The following CAPS2 variants were observed in gnomAD, a reference collection of about 807,000 sequenced individuals.
CAPS2 encodes the protein calcyphosin-2.
CAPS2 carries 98 observed loss-of-function variants against 86.5 expected under a neutral mutation model. That is an observed-to-expected ratio of 1.13 (90% CI 0.96 to 1.34). The LOEUF (loss-of-function observed/expected upper bound fraction) is 1.34, where lower values mean the gene tolerates loss of function less well. Ranked by LOEUF, CAPS2 falls within the 40% of genes most tolerant of loss-of-function variation. CAPS2 has a pLI of 0.00. For synonymous variants in CAPS2, 210 were observed against 225.1 expected (o/e 0.93, Z 0.60); for missense variants, 729 against 686.8 (o/e 1.06, Z -0.69).
chr12:75,367,485 G>A (rs1197527533), intron 1 of CAPS2, among the ~76,000 whole-genome samples: 1 of 151,842 alleles, frequency 6.6e-6, no homozygotes, highest in Non-Finnish European at 1.5e-5. Context: ...CAGGGTCAGA[G>A]TCATCAATAT....
rs114900986 is a variant in CAPS2, at chr12:75,316,345, G to T, written c.558C>A (p.Cys186Ter). The change falls in exon 6 of 17, where the codon TGC (cysteine) becomes TGA (stop). Residue 186 changes from cysteine (C) to a stop codon, truncating the protein, a stop_gained. Coordinates refer to ENST00000393284, the Ensembl canonical transcript of CAPS2. LOFTEE classifies it high-confidence loss of function. ...ATTTTCTTGCCCTCTGTTGTTTATC[G>T]CAAGAGTTGTCTGCATAACCTTGCT... The T allele has an allele frequency of 4.9e-5, 76 of 1,550,834 alleles. No homozygotes were observed. The African/African-American group carries it at 9.9e-4, about 20-fold the overall frequency.
At chr12:75,309,122 CA>C (rs1278754589) in intron 7 of CAPS2, among the ~76,000 whole-genome samples, 2 of 152,048 alleles carry the variant, frequency 1.3e-5, no homozygotes, top group African/African-American at 2.4e-5. Context: ...CACAAGCACA[CA>C]AGGGCCAAAT....
intron 1 of CAPS2, among the ~76,000 whole-genome samples, chr12:75,356,757 A>G (rs948798307): frequency 6.6e-5 from 10 of 152,186 alleles, no homozygotes; most frequent in African/African-American, 2.4e-4. Flanking sequence ...AAATTGCACA[A>G]TTGGCTAAGA....
chr12:75,279,771 G>T (rs1268812766), intron 16 of CAPS2, among the ~76,000 whole-genome samples: 1 of 151,960 alleles, frequency 6.6e-6, no homozygotes, highest in East Asian at 1.9e-4. Flanking sequence ...CGTAGAGATG[G>T]TAATATAAAA....
chr12:75,311,700 GAAAAAAAAAAACAAAAAAAAAAACA>G (rs1307672194), intron 7 of CAPS2, among the ~76,000 whole-genome samples: 6 of 6,716 alleles, frequency 8.9e-4, no homozygotes, highest in South Asian at 4.6e-3. Flanking sequence ...AGCCATGCAG[GAAAAAAAAAAACAAAAAAAAAAACA>G]AAAAAAAAAA....
At chr12:75,378,244 C>T (rs997793086) in intron 1 of CAPS2, among the ~76,000 whole-genome samples, 3 of 152,176 alleles carry the variant, frequency 2.0e-5, no homozygotes, top group African/African-American at 7.2e-5. Context: ...AAGCAATCCA[C>T]CTGCCTCAGC....
intron 15 of CAPS2, 79 bp from the exon 16 acceptor site, chr12:75,282,426 A>G (rs1446475405): frequency 2.2e-6 from 2 of 905,392 alleles, no homozygotes; most frequent in African/African-American, 3.3e-5. Flanking sequence ...TCGCTCTGTC[A>G]CCCAGACTGG....
chr12:75,344,059 T>C, intron 1 of CAPS2: 1 of 757,458 alleles, frequency 1.3e-6, no homozygotes. Flanking sequence ...TTTTCCTTTA[T>C]CATAGGTCTT....
chr12:75,388,083 C>T (rs891702168), intron 1 of CAPS2, among the ~76,000 whole-genome samples: 1 of 152,290 alleles, frequency 6.6e-6, no homozygotes, highest in Non-Finnish European at 1.5e-5. Context: ...ATGGGAGAGA[C>T]TAGGTGAGAG....
At chr12:75,313,070 A>G (rs1473343422) in intron 6 of CAPS2, among the ~76,000 whole-genome samples, 155 bp from the exon 7 acceptor site, 1 of 152,242 alleles carries the variant, frequency 6.6e-6, no homozygotes, top group African/African-American at 2.4e-5. Context: ...ATTACTTTCC[A>G]TCATTACTAA....
intron 1 of CAPS2, chr12:75,363,184 C>G: frequency 6.8e-7 from 1 of 1,460,052 alleles, no homozygotes; most frequent in Non-Finnish European, 9.1e-7. Context: ...TGTAAAGAAC[C>G]TCTGCAGTAA....
chr12:75,290,145 C>T (rs1304861398), intron 13 of CAPS2, among the ~76,000 whole-genome samples: 2 of 152,048 alleles, frequency 1.3e-5, no homozygotes, highest in Non-Finnish European at 2.9e-5. Flanking sequence ...ATCTGTTTTC[C>T]TTTTCTTAGT....
At chr12:75,376,276 G>A (rs772998544) in intron 1 of CAPS2, among the ~76,000 whole-genome samples, 12 of 152,180 alleles carry the variant, frequency 7.9e-5, no homozygotes, top group Non-Finnish European at 1.3e-4. Flanking sequence ...AATTCAGCCC[G>A]ATCCAACTTT....
chr12:75,347,608 C>G, intron 1 of CAPS2: 1 of 1,551,760 alleles, frequency 6.4e-7, no homozygotes, highest in Non-Finnish European at 8.9e-7. Flanking sequence ...TCTTGACATT[C>G]CTTTTCTTTA....
At chr12:75,370,439 T>C (rs1005502859) in intron 1 of CAPS2, 1 of 262,358 alleles carries the variant, frequency 3.8e-6, no homozygotes. Flanking sequence ...CTAATGAGAA[T>C]GGATTATCAT....
chr12:75,390,354 C>G, intron 1 of CAPS2: 1 of 456,288 alleles, frequency 2.2e-6, no homozygotes, highest in Non-Finnish European at 4.4e-6. Flanking sequence ...AAAGATGAAT[C>G]TTGATATTCC....
At chr12:75,343,766 T>C in intron 1 of CAPS2, 1 of 1,613,144 alleles carries the variant, frequency 6.2e-7, no homozygotes, top group Non-Finnish European at 8.5e-7. Flanking sequence ...AATGACTGTT[T>C]GGATAAATCA....
chr12:75,336,122 T>G (rs1464696594), intron 1 of CAPS2, among the ~76,000 whole-genome samples: 1 of 151,978 alleles, frequency 6.6e-6, no homozygotes, highest in Non-Finnish European at 1.5e-5. Context: ...TTCCTTATAT[T>G]GTTAAGAATC....
chr12:75,302,294 C>A (rs2138602101), intron 8 of CAPS2, among the ~76,000 whole-genome samples: 1 of 152,266 alleles, frequency 6.6e-6, no homozygotes, highest in Non-Finnish European at 1.5e-5. Flanking sequence ...TACTCTAATA[C>A]AACGCAATAC....
Sources: gnomAD v4.1 joint callset for allele counts (sites outside exome capture counted in the v4.1 genomes callset) on GRCh38, gnomAD v4.1.1 for gene constraint, MANE v1.5 for transcripts, NCBI Gene and HGNC (gene_info 2026-07-23, HGNC 2026-07-21) for gene names.